LYRM4: variants seen among roughly 807,000 people sequenced by gnomAD.
The protein encoded by LYRM4 is LYR motif-containing protein 4.
Under a neutral mutation model 11.7 loss-of-function variants are expected in LYRM4, and 9 were observed. The ratio of observed to expected loss-of-function variants is 0.77; its 90% CI spans 0.46 to 1.34. LYRM4 has a LOEUF of 1.34. Among genes scored for constraint, LYRM4 ranks in the 40% most tolerant of loss-of-function variants. LYRM4 has a pLI of 0.00. For missense variants in LYRM4, 133 were observed against 112.5 expected, an observed-to-expected ratio of 1.18 and a Z score of -0.82; for synonymous variants, 42 against 40.4, an observed-to-expected ratio of 1.04 and a Z score of -0.15.
In LYRM4 at chr6:5,195,923, C is replaced by T. The variant is rs551160202; in HGVS notation, c.207+20695G>A. On this transcript the variant is annotated intron_variant, in intron 2 of 2. Transcript: ENST00000330636. ...GAATGATTTCTTAGAAAAAAACTTCCTCACACCAACTGAAAGTCTGGCTTT... is the reference window on the plus strand; with the variant it reads ...GAATGATTTCTTAGAAAAAAACTTCTTCACACCAACTGAAAGTCTGGCTTT... Among the ~76,000 whole-genome samples, 14 of 152,286 alleles carry T rather than the reference C, an allele frequency of 9.2e-5. No homozygotes were observed. The South Asian group carries it at 1.5e-3, about 16-fold the overall frequency.
At chr6:5,172,265 G>A (rs1649176561) in intron 2 of LYRM4, among the ~76,000 whole-genome samples, 2 of 152,196 alleles carry the variant, frequency 1.3e-5, no homozygotes, top group South Asian at 2.1e-4. Context: ...GGGAAAGCAC[G>A]CTGTAACACG....
At chr6:5,154,830 G>A (rs9378940) in intron 2 of LYRM4, among the ~76,000 whole-genome samples, 99,281 of 151,794 alleles carry the variant, frequency 0.65, 33,044 homozygotes, top group South Asian at 0.74. Flanking sequence ...AAAAATAAAT[G>A]AATAAATAAA....
Position 5,216,621 on chromosome 6 carries a change from T to A in LYRM4, c.204A>T (p.Arg68=). ...KAKRDLGVIR[R]QVHIGQLYST... ...GTACATCATTGAACCATCTTACCTG[T>A]CGACGAATTACTCCAAGGTCTCTCT... The change falls in exon 2 of 3, where the codon CGA becomes CGT. Residue 68 remains arginine (R), a synonymous_variant. Coordinates refer to ENST00000330636, the MANE Select transcript of LYRM4 (RefSeq NM_020408.6). 6.2e-7 allele frequency: 1 copy of A among 1,614,050 alleles called. No homozygotes were observed. Among genetic ancestry groups the A allele is most frequent in the Non-Finnish European group, 8.5e-7 (1 of 1,180,002 alleles).
At chr6:5,168,785 C>G (rs986161973) in intron 2 of LYRM4, among the ~76,000 whole-genome samples, 1 of 152,010 alleles carries the variant, frequency 6.6e-6, no homozygotes, top group Non-Finnish European at 1.5e-5. Context: ...TGGTTATGTA[C>G]GAGAACACGC....
the LYRM4 span, among the ~76,000 whole-genome samples, chr6:5,075,399 AG>A: frequency 2.6e-5 from 4 of 152,174 alleles, no homozygotes; most frequent in African/African-American, 9.7e-5. Flanking sequence ...CACCATCTTA[AG>A]GGGGATAGAG....
At chr6:5,145,505 C>T (rs1390725235) in intron 2 of LYRM4, among the ~76,000 whole-genome samples, 2 of 152,160 alleles carry the variant, frequency 1.3e-5, no homozygotes, top group Admixed American at 6.5e-5. Flanking sequence ...ACTATGACGG[C>T]GAGGGCGAGG....
At position 5,257,807 on chromosome 6, in the gene LYRM4, A is replaced by T. The variant is rs145505252; in HGVS notation, c.86+2841T>A. On this transcript the variant is annotated intron_variant, in intron 1 of 2. Transcript: ENST00000330636. ...GTCCATGGAAAAACTGTCTTCCATG[A>T]AATTGGTTCCTGGTGCCAAGAAGGT... is the stretch of plus-strand genomic sequence containing the variant. 3.4e-3 allele frequency among the ~76,000 whole-genome samples: 517 copies of T among 152,256 alleles called. 2 individuals are homozygous for T. Among genetic ancestry groups the T allele is most frequent in the Middle Eastern group, 0.017 (5 of 294 alleles).
intron 2 of LYRM4, among the ~76,000 whole-genome samples, chr6:5,152,574 C>T (rs527453341): frequency 1.3e-5 from 2 of 152,342 alleles, no homozygotes; most frequent in African/African-American, 4.8e-5. Flanking sequence ...GCAGCCCCAG[C>T]TGCGTGTCTG....
chr6:5,117,532 C>G (rs1004040282), intron 2 of LYRM4, among the ~76,000 whole-genome samples: 5 of 149,140 alleles, frequency 3.4e-5, no homozygotes, highest in African/African-American at 1.2e-4. Context: ...GGTGACAGAG[C>G]GAGACTCTGT....
At chr6:5,147,064 C>A (rs1205434429) in intron 2 of LYRM4, among the ~76,000 whole-genome samples, 1 of 152,190 alleles carries the variant, frequency 6.6e-6, no homozygotes, top group East Asian at 1.9e-4. Flanking sequence ...CCCCAGTGGC[C>A]TGCTGGAAGC....
chr6:5,071,636 ATG>A, the LYRM4 span, among the ~76,000 whole-genome samples: 6 of 150,750 alleles, frequency 4.0e-5, no homozygotes, highest in Non-Finnish European at 7.4e-5. Flanking sequence ...ATATATGTGT[ATG>A]TGTGTGTGTG....
chr6:5,095,465 T>C, the LYRM4 span, among the ~76,000 whole-genome samples: 52 of 152,250 alleles, frequency 3.4e-4, no homozygotes, highest in East Asian at 3.1e-3. Context: ...AACAACCGGA[T>C]TGGTTACAGC....
In LYRM4 at chr6:5,250,940, T is replaced by TAA. The variant is rs1318158045; in HGVS notation, c.86+9706_86+9707dup. The stretch of plus-strand genomic sequence containing the variant: ...CAATGTTATTTAAAAAATATTTCTG[T>TAA]AATACGATATATGACAGCCAAAACA... On this transcript the variant is annotated intron_variant, in intron 1 of 2. Transcript: ENST00000330636. Among the ~76,000 whole-genome samples the TAA allele has an allele frequency of 5.3e-5, 8 of 152,366 alleles. No individual in the cohort carries two copies. The South Asian group carries it at 1.7e-3, about 32-fold the overall frequency.
intron 2 of LYRM4, among the ~76,000 whole-genome samples, chr6:5,202,880 A>T (rs1761470093): frequency 6.6e-6 from 1 of 152,220 alleles, no homozygotes; most frequent in African/African-American, 2.4e-5. Context: ...AGTCCTTTAT[A>T]ATTATAGCAT....
rs892835773 is a variant in LYRM4, at chr6:5,146,013, T to C, written c.208-36522A>G. Among the ~76,000 whole-genome samples the C allele has an allele frequency of 9.2e-5, 14 of 152,218 alleles. 1 individual carries two copies. In the South Asian group the frequency reaches 2.7e-3, roughly 29 times the overall value. On this transcript the variant is annotated intron_variant, in intron 2 of 2. Transcript: ENST00000330636. ...ACTCTGCAATTAATTTTTCTCATGA[T>C]TGCAATTCCTCTAGCATATATATAC...
At chr6:5,165,605 C>T (rs556820932) in intron 2 of LYRM4, among the ~76,000 whole-genome samples, 9 of 151,646 alleles carry the variant, frequency 5.9e-5, no homozygotes, top group Admixed American at 1.3e-4. Flanking sequence ...TGCAGTGGCG[C>T]GATCTCGGCT....
chr6:5,259,359 CT>C (rs66636103), intron 1 of LYRM4, among the ~76,000 whole-genome samples: 42,187 of 152,122 alleles, frequency 0.28, 7,185 homozygotes, highest in African/African-American at 0.48. Context: ...CACCAGTATG[CT>C]TATTATTACA....
intron 2 of LYRM4, among the ~76,000 whole-genome samples, chr6:5,132,006 C>T (rs921828431): frequency 6.6e-6 from 1 of 152,164 alleles, no homozygotes; most frequent in African/African-American, 2.4e-5. Flanking sequence ...TCAGCAGATC[C>T]TAACTTTTAA....
At chr6:5,186,680 C>G in intron 2 of LYRM4, 1 of 985,538 alleles carries the variant, frequency 1.0e-6, no homozygotes, top group Non-Finnish European at 1.2e-6. Context: ...TGAAATGTAA[C>G]TACATAAAAA....
Sources: gnomAD v4.1 joint callset for allele counts (sites outside exome capture counted in the v4.1 genomes callset) on GRCh38, gnomAD v4.1.1 for gene constraint, MANE v1.5 for transcripts, NCBI Gene and HGNC (gene_info 2026-07-23, HGNC 2026-07-21) for gene names.